Variants in ATXN1 observed in about 807,000 individuals in gnomAD.
ATXN1 encodes ataxin-1.
In ATXN1, 8 loss-of-function variants were observed where a neutral mutation model predicts 56.4. The observed-to-expected ratio is 0.14, with a 90% CI of 0.08 to 0.26. The LOEUF (loss-of-function observed/expected upper bound fraction) is 0.26. Among genes scored for constraint, ATXN1 ranks in the 10% least tolerant of loss-of-function variants. The pLI is 1.00. For missense variants in ATXN1, 987 were observed against 1,106.5 expected, an observed-to-expected ratio of 0.89 and a Z score of 1.53; for synonymous variants, 514 against 494.6, an observed-to-expected ratio of 1.04 and a Z score of -0.52.
intron 2 of ATXN1, among the ~76,000 whole-genome samples, chr6:16,746,310 A>T (rs1335289243): frequency 6.6e-6 from 1 of 152,232 alleles, no homozygotes; most frequent in Non-Finnish European, 1.5e-5. Context: ...AATTGCAATG[A>T]ATCAAGAGGC....
intron 4 of ATXN1, among the ~76,000 whole-genome samples, chr6:16,544,997 A>G (rs1761788775): frequency 6.6e-6 from 1 of 152,202 alleles, no homozygotes; most frequent in South Asian, 2.1e-4. Flanking sequence ...AACAACACCA[A>G]GGTCTTCAGG....
chr6:16,495,366 G>A (rs941976537), intron 5 of ATXN1, among the ~76,000 whole-genome samples: 3 of 152,176 alleles, frequency 2.0e-5, no homozygotes, highest in African/African-American at 7.2e-5. Context: ...GGGGAGTGAA[G>A]ATAAAATGAA....
At chr6:16,469,976 A>G (rs1429519219) in intron 6 of ATXN1, among the ~76,000 whole-genome samples, 1 of 151,218 alleles carries the variant, frequency 6.6e-6, no homozygotes, top group African/African-American at 2.4e-5. Context: ...AAAAAAAAAG[A>G]AAAAGAGAGA....
At chr6:16,538,332 G>C (rs928453785) in intron 4 of ATXN1, among the ~76,000 whole-genome samples, 3 of 152,192 alleles carry the variant, frequency 2.0e-5, no homozygotes, top group Non-Finnish European at 4.4e-5. Context: ...AAAGCACTTA[G>C]AGCAGTATTA....
intron 2 of ATXN1, chr6:16,667,468 A>C (rs920814532): frequency 3.3e-5 from 5 of 152,302 alleles, no homozygotes; most frequent in African/African-American, 1.2e-4. Flanking sequence ...TGGAAAAAGG[A>C]GTCTCACTCA....
At chr6:16,435,454 T>G (rs1759370020) in intron 6 of ATXN1, among the ~76,000 whole-genome samples, 1 of 151,740 alleles carries the variant, frequency 6.6e-6, no homozygotes. Flanking sequence ...ACCTGAAGAC[T>G]TAGGAAGGAG....
intron 6 of ATXN1, among the ~76,000 whole-genome samples, chr6:16,397,562 T>G (rs978969279): frequency 8.5e-5 from 13 of 152,170 alleles, no homozygotes; most frequent in Non-Finnish European, 2.9e-5. Flanking sequence ...GTAGCTAAAC[T>G]TTTATCAGCA....
At chr6:16,600,015 G>A (rs1762885977) in intron 3 of ATXN1, among the ~76,000 whole-genome samples, 1 of 152,216 alleles carries the variant, frequency 6.6e-6, no homozygotes, top group Admixed American at 6.5e-5. Flanking sequence ...AATCTCACAT[G>A]TGGTTCATTG....
chr6:16,366,808 A>G (rs934320230), intron 6 of ATXN1, among the ~76,000 whole-genome samples: 35 of 151,912 alleles, frequency 2.3e-4, no homozygotes, highest in Non-Finnish European at 1.8e-4. Context: ...AAAAGAAAAA[A>G]ACAGGCCCAA....
intron 2 of ATXN1, among the ~76,000 whole-genome samples, chr6:16,728,570 T>C (rs145255259): frequency 0.018 from 2,762 of 152,324 alleles, 33 homozygotes; most frequent in Non-Finnish European, 0.026. Flanking sequence ...TTGCCCTAAA[T>C]GCTACACAAA....
At chr6:16,704,089 T>G (rs1432496456) in intron 2 of ATXN1, among the ~76,000 whole-genome samples, 1 of 152,208 alleles carries the variant, frequency 6.6e-6, no homozygotes. Context: ...AACTACCATT[T>G]AAAAACTTAA....
chr6:16,453,304 C>CA lies in ATXN1; in HGVS notation c.-161+32667dup, dbSNP rs564633968. 2.4e-4 allele frequency among the ~76,000 whole-genome samples: 37 copies of CA among 151,968 alleles called. No individual in the cohort carries two copies. In the South Asian group the frequency reaches 6.3e-3, roughly 26 times the overall value. On this transcript the variant is annotated intron_variant, in intron 6 of 7. Coordinates refer to ENST00000436367, the MANE Select transcript of ATXN1 (RefSeq NM_001128164.2). Reference sequence around the variant, plus strand: ...TGAAACCCCGTCTCTACTAAAAATACAAAAAAATTAGCTGGGCGTAGTGGC... The same window carrying CA: ...TGAAACCCCGTCTCTACTAAAAATACAAAAAAAATTAGCTGGGCGTAGTGGC...
intron 2 of ATXN1, among the ~76,000 whole-genome samples, chr6:16,721,444 T>C (rs551160116): frequency 2.6e-5 from 4 of 152,178 alleles, no homozygotes; most frequent in South Asian, 2.1e-4. Context: ...CTGGGCAACA[T>C]AGTGAGACCT....
chr6:16,503,570 C>A (rs958376189), intron 5 of ATXN1, among the ~76,000 whole-genome samples: 8 of 152,154 alleles, frequency 5.3e-5, no homozygotes, highest in African/African-American at 1.9e-4. Context: ...TGGCTCACCA[C>A]GCTGGCTGGT....
chr6:16,582,063 T>TA (rs1481749415), intron 4 of ATXN1, among the ~76,000 whole-genome samples: 6 of 152,230 alleles, frequency 3.9e-5, no homozygotes, highest in African/African-American at 1.4e-4. Context: ...CTTCTCTCCT[T>TA]ACCTTCTTCA....
chr6:16,611,488 G>A (rs930280234), intron 3 of ATXN1, among the ~76,000 whole-genome samples: 98 of 152,256 alleles, frequency 6.4e-4, no homozygotes, highest in African/African-American at 2.2e-3. Context: ...GTATTAATTC[G>A]TTTTGAAAAG....
intron 5 of ATXN1, among the ~76,000 whole-genome samples, chr6:16,496,841 C>A (rs1316980595): frequency 1.3e-5 from 2 of 152,050 alleles, no homozygotes; most frequent in Middle Eastern, 3.2e-3. Flanking sequence ...GACACATATT[C>A]TCGGGGAAGA....
intron 3 of ATXN1, among the ~76,000 whole-genome samples, chr6:16,618,108 T>G (rs2113797980): frequency 6.6e-6 from 1 of 151,880 alleles, no homozygotes; most frequent in Middle Eastern, 3.4e-3. Flanking sequence ...ATCATGTCCT[T>G]TACAGGGACA....
At chr6:16,321,184 A>C (rs1760642797) in intron 7 of ATXN1, among the ~76,000 whole-genome samples, 1 of 152,178 alleles carries the variant, frequency 6.6e-6, no homozygotes, top group Non-Finnish European at 1.5e-5. Context: ...CTACCCAAGG[A>C]GGAGGTGCGA....
Sources: gnomAD v4.1 joint callset for allele counts (sites outside exome capture counted in the v4.1 genomes callset) on GRCh38, gnomAD v4.1.1 for gene constraint, MANE v1.5 for transcripts, NCBI Gene and HGNC (gene_info 2026-07-23, HGNC 2026-07-21) for gene names.